The following ANK3 variants were observed in gnomAD, a reference collection of about 807,000 sequenced individuals.
The protein encoded by ANK3 is ankyrin-3.
A neutral mutation model predicts 370.9 loss-of-function variants in ANK3; 57 were observed. The observed-to-expected ratio is 0.15, with a 90% confidence interval of 0.12 to 0.19. The LOEUF is 0.19. ANK3 is among the 10% of genes least tolerant of loss of function. The probability of loss-of-function intolerance (pLI) is 1.00; values close to 1 mark genes in which losing one functional copy is unlikely to be tolerated. For missense variants in ANK3, 4,439 were observed against 5,302.1 expected, an observed-to-expected ratio of 0.84 and a Z score of 5.06; for synonymous variants, 1,929 against 1,946.3, an observed-to-expected ratio of 0.99 and a Z score of 0.23.
At chr10:60,701,397 A>G (rs192868805) in intron 1 of ANK3, among the ~76,000 whole-genome samples, 6 of 151,960 alleles carry the variant, frequency 3.9e-5, no homozygotes, top group Admixed American at 6.6e-5. Context: ...ATTGATCTCA[A>G]AGATACACTA....
At chr10:60,064,506 A>G (rs189350688) in intron 38 of ANK3, among the ~76,000 whole-genome samples, 1 of 152,042 alleles carries the variant, frequency 6.6e-6, no homozygotes, top group African/African-American at 2.4e-5. Context: ...TTACAATCAG[A>G]TTTTTTTTAG....
intron 23 of ANK3, among the ~76,000 whole-genome samples, chr10:60,147,528 C>T (rs2094890243): frequency 6.6e-6 from 1 of 152,204 alleles, no homozygotes; most frequent in Non-Finnish European, 1.5e-5. Flanking sequence ...CCCACCAAAT[C>T]TCATGTTGAA....
At chr10:60,418,432 T>C (rs2063713655) in intron 2 of ANK3, among the ~76,000 whole-genome samples, 1 of 152,170 alleles carries the variant, frequency 6.6e-6, no homozygotes, top group Non-Finnish European at 1.5e-5. Flanking sequence ...GTACCCTTTG[T>C]CTTTGCTTTC....
intron 1 of ANK3, among the ~76,000 whole-genome samples, chr10:60,336,093 G>A (rs972404): frequency 3.3e-5 from 5 of 149,672 alleles, no homozygotes; most frequent in East Asian, 3.9e-4. Context: ...AGTTTGGCGG[G>A]GGGGGGAAGC....
At chr10:60,127,723 G>A (rs2093837582) in intron 25 of ANK3, among the ~76,000 whole-genome samples, 1 of 132,206 alleles carries the variant, frequency 7.6e-6, no homozygotes, top group Non-Finnish European at 1.5e-5. Context: ...TTTGGAGACA[G>A]AGTCTCGCTC....
intron 42 of ANK3, among the ~76,000 whole-genome samples, chr10:60,055,225 C>G (rs541285621): frequency 2.8e-4 from 42 of 152,256 alleles, no homozygotes; most frequent in African/African-American, 8.2e-4. Flanking sequence ...TTAGATGGGT[C>G]AGATGCTATA....
In ANK3 at chr10:60,266,207, A is replaced by G. The variant is rs572105221; in HGVS notation, c.514-2187T>C. Among the ~76,000 whole-genome samples, 57 of 152,332 alleles carry G rather than the reference A, an allele frequency of 3.7e-4. No homozygotes were observed. In the South Asian group the frequency reaches 0.012, roughly 32 times the overall value. On this transcript the variant is annotated intron_variant, in intron 5 of 43. Transcript: ENST00000280772. ...CATAGGTTTACACTTAAAGACAGGAACTTTAGGATATAACAAGAAAAGTAG... is the reference window on the plus strand; with the variant it reads ...CATAGGTTTACACTTAAAGACAGGAGCTTTAGGATATAACAAGAAAAGTAG...
At chr10:60,030,765 C>G (rs1391312156) in intron 43 of ANK3, among the ~76,000 whole-genome samples, 1 of 152,206 alleles carries the variant, frequency 6.6e-6, no homozygotes, top group Non-Finnish European at 1.5e-5. Flanking sequence ...AGTGGCAATA[C>G]ACCTTTCTCC....
intron 1 of ANK3, among the ~76,000 whole-genome samples, chr10:60,727,957 A>G (rs1412970982): frequency 1.3e-5 from 2 of 152,138 alleles, no homozygotes; most frequent in Non-Finnish European, 2.9e-5. Context: ...TAAACCGTTC[A>G]TCCAACTAAA....
intron 1 of ANK3, among the ~76,000 whole-genome samples, chr10:60,357,474 C>A (rs2057940032): frequency 6.6e-6 from 1 of 152,094 alleles, no homozygotes; most frequent in Non-Finnish European, 1.5e-5. Flanking sequence ...ATTCTATGAC[C>A]TCCTCTGTAA....
At chr10:60,444,142 C>T (rs963757007) in intron 2 of ANK3, among the ~76,000 whole-genome samples, 4 of 151,858 alleles carry the variant, frequency 2.6e-5, no homozygotes, top group Non-Finnish European at 1.5e-5. Flanking sequence ...CTTCTTTTGG[C>T]TTATTTTTTT....
intron 1 of ANK3, 109 bp downstream of exon 1, chr10:60,389,316 C>T (rs1437920218): frequency 4.8e-6 from 5 of 1,038,302 alleles, no homozygotes; most frequent in Non-Finnish European, 7.0e-6. Context: ...ACCCAATTTA[C>T]ACTCTACCCA....
chr10:60,073,193 C>T lies in ANK3; in HGVS notation c.7688G>A (p.Arg2563Lys). The change falls in exon 37 of 44, where the codon AGA (arginine) becomes AAA (lysine). Residue 2563 changes from arginine to lysine, a missense_variant. Around this residue, in one of 13 missense-constraint regions of ANK3, gnomAD observed 1,601 missense variants for 1,731.7 expected, o/e 0.92. Transcript: ENST00000280772. ...HAMWMRFTED[R>K]LDRGREKLIY... ...CAACTTCTCTCTACCTCTGTCTAAT[C>T]TGTCCTCAGTAAAGCGCATCCACAT... 1 of 1,614,188 alleles carries T rather than the reference C, an allele frequency of 6.2e-7. No individual in the cohort carries two copies. Among genetic ancestry groups the T allele is most frequent in the South Asian group, 1.1e-5 (1 of 91,082 alleles).
At chr10:60,184,917 CT>C (rs2096285436) in intron 17 of ANK3, among the ~76,000 whole-genome samples, 1 of 152,194 alleles carries the variant, frequency 6.6e-6, no homozygotes, top group African/African-American at 2.4e-5. Flanking sequence ...AAAATACACT[CT>C]GATACCAGCA....
intron 2 of ANK3, among the ~76,000 whole-genome samples, chr10:60,443,438 G>A (rs1432568082): frequency 6.6e-6 from 1 of 151,958 alleles, no homozygotes; most frequent in Non-Finnish European, 1.5e-5. Context: ...GGGAGCCTGA[G>A]AATAGTGAAA....
chr10:60,219,608 A>G (rs1383676751), intron 8 of ANK3, among the ~76,000 whole-genome samples: 2 of 152,150 alleles, frequency 1.3e-5, no homozygotes, highest in Non-Finnish European at 2.9e-5. Context: ...AGAGTTATTC[A>G]CTTAAAACTA....
At chr10:60,223,529 T>C (rs2097094935) in intron 8 of ANK3, among the ~76,000 whole-genome samples, 1 of 152,212 alleles carries the variant, frequency 6.6e-6, no homozygotes, top group Admixed American at 6.5e-5. Context: ...AACTTAGTAC[T>C]ATGTCCATGA....
intron 2 of ANK3, 134 bp from the exon 3 acceptor site, chr10:60,279,282 T>A: frequency 2.5e-6 from 2 of 789,814 alleles, no homozygotes; most frequent in Admixed American, 5.0e-5. Flanking sequence ...GGAACTTGAA[T>A]CTTGAATTAG....
chr10:60,465,847 T>C (rs947078465), intron 2 of ANK3, among the ~76,000 whole-genome samples: 10 of 151,326 alleles, frequency 6.6e-5, no homozygotes, highest in African/African-American at 2.4e-4. Context: ...GGGTATTTCA[T>C]TGGGAAAAGT....
Sources: gnomAD v4.1 joint callset for allele counts (sites outside exome capture counted in the v4.1 genomes callset) on GRCh38, gnomAD v4.1.1 for gene constraint, gnomAD v4.1.1 regional missense constraint, MANE v1.5 for transcripts, NCBI Gene and HGNC (gene_info 2026-07-23, HGNC 2026-07-21) for gene names.